PNPLA1: variants seen among roughly 807,000 people sequenced by gnomAD.
The protein encoded by PNPLA1 is patatin like domain 1, omega-hydroxyceramide transacylase.
Under a neutral mutation model 51.7 loss-of-function variants are expected in PNPLA1, and 36 were observed. The observed-to-expected ratio is 0.70, with a 90% CI of 0.53 to 0.92. The LOEUF is 0.92. Among genes scored for constraint, PNPLA1 ranks in the 40% least tolerant of loss-of-function variants. The pLI is 0.00. For missense variants in PNPLA1, 658 were observed against 682.5 expected (o/e 0.96, Z 0.40); for synonymous variants, 293 against 280.1 (o/e 1.05, Z -0.46).
intron 8 of PNPLA1, among the ~76,000 whole-genome samples, chr6:36,309,748 T>C (rs1363706636): frequency 6.6e-6 from 1 of 152,242 alleles, no homozygotes; most frequent in Non-Finnish European, 1.5e-5. Flanking sequence ...ATGCTGAGCC[T>C]GCCTGGAGGT....
intron 1 of PNPLA1, among the ~76,000 whole-genome samples, chr6:36,244,783 ACT>A (rs927552793): frequency 6.6e-6 from 1 of 152,072 alleles, no homozygotes; most frequent in Non-Finnish European, 1.5e-5. Flanking sequence ...TCTCCCACAG[ACT>A]CTGTTGCCAA....
At chr6:36,277,009 G>C (rs893087388) in intron 1 of PNPLA1, among the ~76,000 whole-genome samples, 1 of 152,198 alleles carries the variant, frequency 6.6e-6, no homozygotes, top group Admixed American at 6.5e-5. Context: ...AACATGGAAG[G>C]CCTCATAGAA....
chr6:36,282,092 G>GAAAGAAAGAAAGAAA (rs59914317), intron 1 of PNPLA1, among the ~76,000 whole-genome samples: 1,876 of 39,856 alleles, frequency 0.047, 71 homozygotes, highest in Admixed American at 0.062. Context: ...AAAGAAAGAA[G>GAAAGAAAGAAAGAAA]GAAGGAAGGA....
intron 1 of PNPLA1, among the ~76,000 whole-genome samples, chr6:36,271,852 G>C (rs1361905644): frequency 6.6e-6 from 1 of 152,212 alleles, no homozygotes; most frequent in Non-Finnish European, 1.5e-5. Context: ...GGGGCAGAGG[G>C]CGTGAGCTCC....
rs746200190 is a variant in PNPLA1, at chr6:36,302,343, C to G, written c.1258C>G (p.Pro420Ala). The G allele has an allele frequency of 2.5e-6, 4 of 1,613,124 alleles. No homozygotes were observed. Among genetic ancestry groups the G allele is most frequent in the East Asian group, 4.5e-5 (2 of 44,854 alleles). The change falls in exon 6 of 9, where the codon CCC (proline) becomes GCC (alanine). Residue 420 changes from proline (P) to alanine (A), a missense_variant. By Grantham distance (27) the Pro-to-Ala change is conservative. Transcript: ENST00000636260. The part of the protein sequence containing the change: ...SPARSLHSQA[P>A]TSPRPSLGPS... The stretch of plus-strand genomic sequence containing the variant: ...AGCCAGATCCCTACACTCTCAGGCA[C>G]CCACTTCACCCAGGCCATCCCTGGG...
At chr6:36,254,120 G>A (rs565847152) in intron 1 of PNPLA1, among the ~76,000 whole-genome samples, 2 of 152,188 alleles carry the variant, frequency 1.3e-5, no homozygotes, top group South Asian at 4.2e-4. Flanking sequence ...CCATTAAATA[G>A]CCAAGTAAAG....
At chr6:36,257,814 C>G (rs753050551) in intron 1 of PNPLA1, among the ~76,000 whole-genome samples, 4 of 152,180 alleles carry the variant, frequency 2.6e-5, no homozygotes, top group Admixed American at 6.5e-5. Context: ...TAATGTCAAG[C>G]ATCTTTGAAC....
At chr6:36,286,038 TGA>T (rs1315965967) in intron 1 of PNPLA1, among the ~76,000 whole-genome samples, 2 of 152,268 alleles carry the variant, frequency 1.3e-5, no homozygotes, top group Admixed American at 6.5e-5. Context: ...ATGAGCAGTC[TGA>T]GAGTCTGAAT....
chr6:36,251,784 A>AT (rs938858763), intron 1 of PNPLA1, among the ~76,000 whole-genome samples: 7 of 151,744 alleles, frequency 4.6e-5, no homozygotes, highest in South Asian at 2.1e-4. Flanking sequence ...ACAAAAAAAA[A>AT]TTTTTTTTTA....
intron 1 of PNPLA1, among the ~76,000 whole-genome samples, chr6:36,287,863 G>A (rs1183199167): frequency 6.6e-6 from 1 of 152,114 alleles, no homozygotes; most frequent in East Asian, 1.9e-4. Context: ...GCCAGCAGCA[G>A]GAGAGCTAGA....
In PNPLA1 at chr6:36,294,385, C is replaced by G; in HGVS notation, c.700C>G (p.Pro234Ala). 6.2e-7 allele frequency: 1 copy of G among 1,614,002 alleles called. No homozygotes were observed. ...CGCCAGGATGACCCACGCATTGTTC[C>G]CCCCGGACCTGGTGGTGAGAGGCAG... The part of the protein sequence containing the change: ...NIARMTHALF[P>A]PDLVILHDYY... The change falls in exon 4 of 9, where the codon CCC becomes GCC. Residue 234 changes from proline to alanine, a missense_variant. By Grantham distance (27) the Pro-to-Ala change is conservative. Transcript: ENST00000636260. The surrounding 1 kb of genome is among the most constrained non-coding windows in gnomAD (Gnocchi z 4.2).
intron 1 of PNPLA1, among the ~76,000 whole-genome samples, chr6:36,253,222 A>C (rs958040283): frequency 2.0e-5 from 3 of 152,206 alleles, no homozygotes; most frequent in Non-Finnish European, 2.9e-5. Flanking sequence ...AGTCTAGTTC[A>C]ATACCAAATA....
Position 36,281,379 on chromosome 6 carries a change from T to C in PNPLA1, c.206-9941T>C, listed in dbSNP as rs531263956. Among the ~76,000 whole-genome samples, 6 of 152,352 alleles carry C rather than the reference T, an allele frequency of 3.9e-5. No individual in the cohort carries two copies. The South Asian group carries it at 1.2e-3, about 32-fold the overall frequency. ...AAGTGTTTTCTGTAAAAAGGTATTCTGCTCAAATTCCCATCCTAGTGTCTT... is the reference window on the plus strand; with the variant it reads ...AAGTGTTTTCTGTAAAAAGGTATTCCGCTCAAATTCCCATCCTAGTGTCTT... On this transcript the variant is annotated intron_variant, in intron 1 of 8. Coordinates refer to ENST00000636260, the MANE Select transcript of PNPLA1 (RefSeq NM_001374623.1).
At chr6:36,286,224 G>T (rs1401597886) in intron 1 of PNPLA1, among the ~76,000 whole-genome samples, 1 of 152,234 alleles carries the variant, frequency 6.6e-6, no homozygotes, top group African/African-American at 2.4e-5. Flanking sequence ...TAAGTGGCCA[G>T]TGATGATCTA....
intron 1 of PNPLA1, among the ~76,000 whole-genome samples, chr6:36,262,001 G>A (rs1250460695): frequency 1.3e-5 from 2 of 152,166 alleles, no homozygotes; most frequent in African/African-American, 2.4e-5. Context: ...GGATGAGCAC[G>A]GCTTTTTATC....
At chr6:36,289,143 AT>A (rs1770596492) in intron 1 of PNPLA1, among the ~76,000 whole-genome samples, 4 of 152,174 alleles carry the variant, frequency 2.6e-5, no homozygotes, top group Non-Finnish European at 5.9e-5. Context: ...GCTTATCTGC[AT>A]TTTTAAAAGT....
rs147223987 is a variant in PNPLA1, at chr6:36,276,568, G to C, written c.205+5904G>C. ...AGAATTTCCAATCTTGTCAGAAGTG[G>C]GGTTGGAAACGTGCCTCAAAGCTGC... On this transcript the variant is annotated intron_variant, in intron 1 of 8. Coordinates refer to ENST00000636260, the MANE Select transcript of PNPLA1 (RefSeq NM_001374623.1). Among the ~76,000 whole-genome samples, 182 of 152,216 alleles carry C rather than the reference G, an allele frequency of 1.2e-3. 1 individual carries two copies. Among genetic ancestry groups the C allele is most frequent in the African/African-American group, 4.1e-3 (172 of 41,508 alleles).
intron 1 of PNPLA1, among the ~76,000 whole-genome samples, chr6:36,279,227 C>T (rs1326033600): frequency 2.0e-5 from 3 of 152,212 alleles, no homozygotes; most frequent in African/African-American, 7.2e-5. Flanking sequence ...TTGCCCCCTG[C>T]CCCGCAAATG....
At chr6:36,305,277 G>A (rs978437716) in intron 6 of PNPLA1, among the ~76,000 whole-genome samples, 2 of 152,036 alleles carry the variant, frequency 1.3e-5, no homozygotes, top group Non-Finnish European at 2.9e-5. Context: ...TGTGGCCCAA[G>A]GAAGCCAAAA....
Sources: gnomAD v4.1 joint callset for allele counts (sites outside exome capture counted in the v4.1 genomes callset) on GRCh38, gnomAD v4.1.1 for gene constraint, Gnocchi (gnomAD v3.1) non-coding constraint, MANE v1.5 for transcripts, NCBI Gene and HGNC (gene_info 2026-07-23, HGNC 2026-07-21) for gene names.